The following DUSP14 variants were observed in gnomAD, a reference collection of about 807,000 sequenced individuals.
The protein encoded by DUSP14 is dual specificity protein phosphatase 14.
DUSP14 carries 5 observed loss-of-function variants against 13.2 expected under a neutral mutation model. That is an observed-to-expected ratio of 0.38 (90% CI 0.20 to 0.80). The LOEUF is 0.80. Among genes scored for constraint, DUSP14 ranks in the 30% least tolerant of loss-of-function variants. The pLI, the probability that DUSP14 is intolerant of heterozygous loss-of-function variation, is 0.44. For synonymous variants in DUSP14, 91 were observed against 103.4 expected (o/e 0.88, Z 0.73); for missense variants, 185 against 264.0 (o/e 0.70, Z 2.07).
At chr17:37,505,714 C>T (rs920894150) in intron 1 of DUSP14, among the ~76,000 whole-genome samples, 1 of 151,086 alleles carries the variant, frequency 6.6e-6, no homozygotes, top group Admixed American at 6.6e-5. Context: ...TAGGCCATGA[C>T]CCCATGTAGC....
intron 1 of DUSP14, among the ~76,000 whole-genome samples, chr17:37,493,538 A>G (rs962653840): frequency 2.6e-5 from 4 of 152,310 alleles, no homozygotes; most frequent in Middle Eastern, 3.4e-3. Context: ...GTCCCTGGGT[A>G]GTCCGATCCC....
upstream of DUSP14, chr17:37,489,875 G>A (rs1198563369): frequency 1.4e-5 from 2 of 147,890 alleles, no homozygotes; most frequent in Non-Finnish European, 3.0e-5. Context: ...GAGGCGGCGC[G>A]CGCGGCGCCC....
At chr17:37,500,698 T>A (rs1327560174) in intron 1 of DUSP14, among the ~76,000 whole-genome samples, 1 of 152,244 alleles carries the variant, frequency 6.6e-6, no homozygotes, top group African/African-American at 2.4e-5. Flanking sequence ...TGGAAGACTT[T>A]AAAATGTTAT....
intron 1 of DUSP14, among the ~76,000 whole-genome samples, chr17:37,508,621 C>G (rs1479936506): frequency 1.3e-5 from 2 of 151,810 alleles, no homozygotes; most frequent in Non-Finnish European, 2.9e-5. Context: ...GTAATCCCAG[C>G]TACTCAGGAG....
At chr17:37,503,898 T>TA (rs1262833432) in intron 1 of DUSP14, among the ~76,000 whole-genome samples, 5 of 152,114 alleles carry the variant, frequency 3.3e-5, no homozygotes, top group African/African-American at 1.2e-4. Flanking sequence ...GCTAGTATCT[T>TA]ACAGTGATGG....
chr17:37,490,206 C>T (rs1244537862), intron 1 of DUSP14, among the ~76,000 whole-genome samples: 1 of 150,052 alleles, frequency 6.7e-6, no homozygotes, highest in Non-Finnish European at 1.5e-5. Context: ...AGCGTGCGCC[C>T]CCTGCCGCTC....
rs148885584 is a variant in DUSP14, at chr17:37,503,726, C to A, written c.-180-6951C>A. The stretch of plus-strand genomic sequence containing the variant: ...GTTATTGATAGTCTCTTCTTGCTAT[C>A]TCTACTCTTTCTGTTTCCAACATGG... On this transcript the variant is annotated intron_variant, in intron 1 of 2. Coordinates refer to ENST00000617516, the MANE Select transcript of DUSP14 (RefSeq NM_007026.4). Among the ~76,000 whole-genome samples, 253 of 152,304 alleles carry A rather than the reference C, an allele frequency of 1.7e-3. 1 individual carries two copies. The highest frequency in any genetic ancestry group is 5.9e-3 in the African/African-American group (244 of 41,558).
intron 1 of DUSP14, among the ~76,000 whole-genome samples, chr17:37,492,306 G>A (rs553185202): frequency 3.3e-5 from 5 of 152,328 alleles, no homozygotes; most frequent in Non-Finnish European, 7.4e-5. Flanking sequence ...CAAAGGGAGT[G>A]GAAGACAGGG....
intron 1 of DUSP14, among the ~76,000 whole-genome samples, chr17:37,498,897 A>G (rs535350214): frequency 1.3e-5 from 2 of 152,264 alleles, no homozygotes; most frequent in East Asian, 3.9e-4. Flanking sequence ...TCTGCATTCT[A>G]ACAGGCAGCC....
chr17:37,492,651 G>A (rs1047113946), intron 1 of DUSP14, among the ~76,000 whole-genome samples: 1 of 152,186 alleles, frequency 6.6e-6, no homozygotes, highest in African/African-American at 2.4e-5. Context: ...GGCCAGAATT[G>A]TTGTCATGGT....
chr17:37,506,415 G>A (rs1001261177), intron 1 of DUSP14, among the ~76,000 whole-genome samples: 1 of 152,058 alleles, frequency 6.6e-6, no homozygotes, highest in African/African-American at 2.4e-5. Context: ...AGAAGCACGT[G>A]CCATTGCCAG....
intron 1 of DUSP14, among the ~76,000 whole-genome samples, chr17:37,498,591 G>A (rs1480776064): frequency 6.6e-6 from 1 of 151,790 alleles, no homozygotes; most frequent in Middle Eastern, 3.2e-3. Context: ...CTCCCAAAGT[G>A]CTGGGATTAC....
intron 1 of DUSP14, among the ~76,000 whole-genome samples, chr17:37,500,056 G>A (rs371242935): frequency 5.3e-5 from 8 of 152,340 alleles, no homozygotes; most frequent in African/African-American, 1.9e-4. Flanking sequence ...CTCAGCATGG[G>A]AGCGGGCATG....
Position 37,512,356 on chromosome 17 carries a change from T to A in DUSP14, c.84T>A (p.Ala28=). 6 of 1,614,094 alleles carry A rather than the reference T, an allele frequency of 3.7e-6. No homozygotes were observed. Among genetic ancestry groups the A allele is most frequent in the Non-Finnish European group, 5.1e-6 (6 of 1,180,000 alleles). ...CCGAGGGAGACATAGGAGGCATTGCTCAAATCACCTCCTCTCTATTCCTGG... is the reference window on the plus strand; with the variant it reads ...CCGAGGGAGACATAGGAGGCATTGCACAAATCACCTCCTCTCTATTCCTGG... ...MISEGDIGGI[A]QITSSLFLGR... The change falls in exon 3 of 3, where the codon GCT becomes GCA. Residue 28 remains alanine (A), a synonymous_variant. Transcript: ENST00000617516. The surrounding 1 kb of genome is among the most constrained non-coding windows in gnomAD (Gnocchi z 4.8).
Position 37,489,935 on chromosome 17 carries a change from C to CCCGCGCCGCGCCGCGCCGCGCCGCG in DUSP14, c.-200_-199insGCCGCGCCGCGCCGCGCCGCGCCGC, listed in dbSNP as rs1296144106. 1 of 140,742 alleles carries CCCGCGCCGCGCCGCGCCGCGCCGCG rather than the reference C, an allele frequency of 7.1e-6. No homozygotes were observed. The highest frequency in any genetic ancestry group is 2.2e-4 in the South Asian group (1 of 4,462). The allele number at this position is 140,742 out of a possible 1,614,324, so 8.7% of individuals were successfully genotyped here. ...CAGGAGGACGGAGCCCTAACCGCAA[C>CCCGCGCCGCGCCGCGCCGCGCCGCG]CCGCTCCGCGCCGCGCCGCGCCGGT... On this transcript the variant is annotated 5_prime_UTR_variant, in exon 1 of 3. Coordinates refer to ENST00000617516, the MANE Select transcript of DUSP14 (RefSeq NM_007026.4).
Position 37,512,664 on chromosome 17 carries a change from A to G in DUSP14, c.392A>G (p.Asn131Ser), listed in dbSNP as rs988219770. 12 of 1,613,820 alleles carry G rather than the reference A, an allele frequency of 7.4e-6. No homozygotes were observed. Among genetic ancestry groups the G allele is most frequent in the Non-Finnish European group, 1.0e-5 (12 of 1,179,844 alleles). Residue 131 changes from asparagine to serine, a missense_variant, in exon 3 of 3, where the codon AAC (asparagine) becomes AGC (serine). Physicochemically the swap from Asn to Ser is conservative, Grantham distance 46. Transcript: ENST00000617516. This position sits in a 1 kb window ranked among gnomAD's most constrained non-coding sequence, Gnocchi z 4.8. Reference sequence around the variant, plus strand: ...ATCGCGTACCTGATGAAATTCCACAACGTGTGCCTGCTGGAGGCGTACAAC... The same window carrying G: ...ATCGCGTACCTGATGAAATTCCACAGCGTGTGCCTGCTGGAGGCGTACAAC... ...LCIAYLMKFH[N>S]VCLLEAYNWV...
rs1305548814 is a variant in DUSP14 at position 37,512,229 on chromosome 17, C to T, written c.-44C>T. The T allele has an allele frequency of 1.4e-5, 21 of 1,514,832 alleles. No individual in the cohort carries two copies. Among genetic ancestry groups the T allele is most frequent in the Non-Finnish European group, 1.7e-5 (19 of 1,123,184 alleles). The allele number at this position is 1,514,832 out of a possible 1,614,324, so 93.8% of individuals were successfully genotyped here. ...CCTTGGTGGAGGAAAATAAAACACT[C>T]TGGTCTTGCCGCCAACGATGCAAGT... On this transcript the variant is annotated 5_prime_UTR_variant, in exon 3 of 3. Coordinates refer to ENST00000617516, the MANE Select transcript of DUSP14 (RefSeq NM_007026.4). The surrounding 1 kb of genome is among the most constrained non-coding windows in gnomAD (Gnocchi z 4.8).
At chr17:37,500,511 C>T (rs904479296) in intron 1 of DUSP14, among the ~76,000 whole-genome samples, 1 of 152,192 alleles carries the variant, frequency 6.6e-6, no homozygotes, top group Non-Finnish European at 1.5e-5. Flanking sequence ...GGTCTTGCTT[C>T]TCAGAGGGCA....
chr17:37,489,170 G>A (rs1157015484), upstream of DUSP14, among the ~76,000 whole-genome samples: 2 of 152,300 alleles, frequency 1.3e-5, no homozygotes, highest in East Asian at 1.9e-4. Flanking sequence ...CACAGCAAAT[G>A]AGCCCTCAAA....
Sources: allele counts gnomAD v4.1 joint callset (sites outside exome capture counted in the v4.1 genomes callset), GRCh38; gene constraint gnomAD v4.1.1; non-coding constraint Gnocchi (gnomAD v3.1); transcripts MANE v1.5; gene names NCBI Gene and HGNC (gene_info 2026-07-23, HGNC 2026-07-21).